RABL6: variants seen among roughly 807,000 people sequenced by gnomAD.
The protein encoded by RABL6 is RAB, member RAS oncogene family like 6.
RABL6 carries 28 observed loss-of-function variants against 72.9 expected under a neutral mutation model. The observed-to-expected ratio is 0.38, with a 90% CI of 0.28 to 0.53. RABL6 has a LOEUF of 0.53. RABL6 is among the 20% of genes least tolerant of loss of function. The probability of loss-of-function intolerance (pLI) is 0.80; values close to 1 mark genes in which losing one functional copy is unlikely to be tolerated. For synonymous variants in RABL6, 477 were observed against 421.2 expected (o/e 1.13, Z -1.62); for missense variants, 1,029 against 1,008.4 (o/e 1.02, Z -0.28).
Position 136,835,840 on chromosome 9 carries a change from C to T in RABL6, c.804C>T (p.Tyr268=), listed in dbSNP as rs765117424. 3.3e-5 allele frequency: 52 copies of T among 1,553,328 alleles called. 1 individual carries two copies. The East Asian group carries it at 5.6e-4, about 17-fold the overall frequency. ...SVQQETEDQN[Y]GIFLEMMEAR... The stretch of plus-strand genomic sequence containing the variant: ...AGCAGGAGACGGAGGACCAGAACTA[C>T]GGCATGTATGTGGCCGGACCCGCCC... The change falls in exon 8 of 15, where the codon TAC becomes TAT. Residue 268 remains tyrosine (Y), a synonymous_variant. Coordinates refer to ENST00000311502, the MANE Select transcript of RABL6 (RefSeq NM_024718.5).
intron 1 of RABL6, among the ~76,000 whole-genome samples, chr9:136,816,201 C>G (rs1371110363): frequency 6.6e-6 from 1 of 152,130 alleles, no homozygotes; most frequent in Non-Finnish European, 1.5e-5. Flanking sequence ...ACCTCCCTGG[C>G]TCAAGCAATC....
chr9:136,833,618 C>G (rs1354826882), intron 7 of RABL6: 85 of 1,485,674 alleles, frequency 5.7e-5, no homozygotes, highest in Non-Finnish European at 9.1e-7. Context: ...GCTGCCCCAG[C>G]TGGGTCTGGG....
In RABL6 at chr9:136,839,428, C is replaced by T. The variant is rs1309755768; in HGVS notation, c.1700C>T (p.Ser567Phe). ...GGACCCATTGCTGCACAAATGCTGTCCTTCGTCATGGATGACCCCGACTTT... is the reference window on the plus strand; with the variant it reads ...GGACCCATTGCTGCACAAATGCTGTTCTTCGTCATGGATGACCCCGACTTT... ...PEGPIAAQML[S>F]FVMDDPDFES... The change falls in exon 12 of 15, where the codon TCC becomes TTC. Residue 567 changes from serine to phenylalanine, a missense_variant. By Grantham distance (155) the Ser-to-Phe change is radical (BLOSUM62 -2). Coordinates refer to ENST00000311502, the MANE Select transcript of RABL6 (RefSeq NM_024718.5). 8 of 1,612,456 alleles carry T rather than the reference C, an allele frequency of 5.0e-6. No homozygotes were observed. In the African/African-American group the frequency reaches 5.3e-5, roughly 11 times the overall value.
chr9:136,831,720 G>A lies in RABL6; in HGVS notation c.459-1G>A, dbSNP rs768447662. The A allele has an allele frequency of 6.2e-7, 1 of 1,613,170 alleles. No individual in the cohort carries two copies. Among genetic ancestry groups the A allele is most frequent in the Non-Finnish European group, 8.5e-7 (1 of 1,179,798 alleles). Reference sequence around the variant, plus strand: ...AGCCAGGTCCTCACCTGTTCTCCGAGGACCTTCAATTACATTCTCCGGGAG... The same window carrying A: ...AGCCAGGTCCTCACCTGTTCTCCGAAGACCTTCAATTACATTCTCCGGGAG... On this transcript the variant is annotated splice_acceptor_variant, in intron 5 of 14. Transcript: ENST00000311502. LOFTEE classifies it high-confidence loss of function.
At position 136,835,807 on chromosome 9, in the gene RABL6, G is replaced by C; in HGVS notation, c.771G>C (p.Leu257=). Reference sequence around the variant, plus strand: ...ACATGGACGCCACGCTGGAGGAGCTGTCGGTGCAGCAGGAGACGGAGGACC... The same window carrying C: ...ACATGGACGCCACGCTGGAGGAGCTCTCGGTGCAGCAGGAGACGGAGGACC... ...QLDMDATLEE[L]SVQQETEDQN... is the part of the protein sequence containing the mutation. The change falls in exon 8 of 15, where the codon CTG becomes CTC. Residue 257 remains leucine (L), a synonymous_variant. Coordinates refer to ENST00000311502, the MANE Select transcript of RABL6 (RefSeq NM_024718.5). 1 of 1,555,342 alleles carries C rather than the reference G, an allele frequency of 6.4e-7. No individual in the cohort carries two copies. Among genetic ancestry groups the C allele is most frequent in the Non-Finnish European group, 8.7e-7 (1 of 1,150,674 alleles).
In RABL6 at chr9:136,829,419, T is replaced by C; in HGVS notation, c.393T>C (p.Ala131=). The part of the protein sequence containing the change: ...QEAESEMALD[A]EFLDVYKNCN... ...CGGAGTCTGAAATGGCCCTGGATGC[T>C]GAGTTCCTGGACGTGTACAAGAACT... Residue 131 remains alanine, a synonymous_variant, in exon 5 of 15, where the codon GCT becomes GCC. Coordinates refer to ENST00000311502, the MANE Select transcript of RABL6 (RefSeq NM_024718.5). 3 of 1,580,860 alleles carry C rather than the reference T, an allele frequency of 1.9e-6. No individual in the cohort carries two copies. The highest frequency in any genetic ancestry group is 1.3e-5 in the African/African-American group (1 of 74,314).
chr9:136,835,990 AG>A, intron 8 of RABL6, 145 bp downstream of exon 8: 2 of 753,256 alleles, frequency 2.7e-6, no homozygotes, highest in Non-Finnish European at 4.4e-6. Context: ...CGGGTGGAGG[AG>A]GACTCAGGTT....
Position 136,818,774 on chromosome 9 carries a change from G to A in RABL6, c.131-4751G>A, listed in dbSNP as rs562392925. Among the ~76,000 whole-genome samples the A allele has an allele frequency of 3.9e-5, 6 of 151,904 alleles. No homozygotes were observed. In the East Asian group the frequency reaches 5.8e-4, roughly 15 times the overall value. On this transcript the variant is annotated intron_variant, in intron 1 of 14. Coordinates refer to ENST00000311502, the MANE Select transcript of RABL6 (RefSeq NM_024718.5). The stretch of plus-strand genomic sequence containing the variant: ...AAAAAAGGAAAGAAAAGGAATAAGC[G>A]TTGGTTATGTTAATCAGTGGTGATC...
rs1848668014 is a variant in RABL6 at position 136,840,381 on chromosome 9, G to A, written c.2049G>A (p.Glu683=). The A allele has an allele frequency of 6.4e-7, 1 of 1,554,320 alleles. No individual in the cohort carries two copies. The highest frequency in any genetic ancestry group is 1.2e-5 in the South Asian group (1 of 84,770). ...ACAAGAAGAGCAAGGACAAGGAGGA[G>A]GGCAAGGAGGAGCGGCGACGGCGGC... is the stretch of plus-strand genomic sequence containing the variant. ...SKHKKSKDKE[E]GKEERRRRQQ... Residue 683 remains glutamate (E), a synonymous_variant, in exon 15 of 15, where the codon GAG becomes GAA. Coordinates refer to ENST00000311502, the MANE Select transcript of RABL6 (RefSeq NM_024718.5).
intron 4 of RABL6, among the ~76,000 whole-genome samples, chr9:136,829,130 C>T (rs1007914798): frequency 6.6e-6 from 1 of 152,196 alleles, no homozygotes; most frequent in African/African-American, 2.4e-5. Context: ...TCCGTGAGGC[C>T]TGGGGCGGAC....
chr9:136,813,483 C>A lies in RABL6; in HGVS notation c.130+5157C>A, dbSNP rs553473519. The A allele has an allele frequency of 1.4e-5, 7 of 489,952 alleles. No homozygotes were observed. In the East Asian group the frequency reaches 1.9e-4, roughly 13 times the overall value. 30.4% of individuals were successfully genotyped at this position (489,952 alleles called of 1,614,324 possible). A position where few individuals can be genotyped will look rare whatever the true frequency, so the allele number is the denominator to read the frequency against. On this transcript the variant is annotated intron_variant, in intron 1 of 14. Coordinates refer to ENST00000311502, the MANE Select transcript of RABL6 (RefSeq NM_024718.5). ...TCCATGATAGTGCAGGGAAATAGAT[C>A]GGCCATCCATCTCTGTTCCCTGCGT...
At position 136,839,031 on chromosome 9, in the gene RABL6, C is replaced by G; in HGVS notation, c.1403C>G (p.Thr468Ser). 1.2e-6 allele frequency: 2 copies of G among 1,612,574 alleles called. No homozygotes were observed. Among genetic ancestry groups the G allele is most frequent in the Non-Finnish European group, 1.7e-6 (2 of 1,179,788 alleles). ...PAGPVPSQDITLSSEEEAEVA... is the reference protein window; with the variant it reads ...PAGPVPSQDISLSSEEEAEVA... ...GGCCCCGTCCCCAGTCAAGACATCA[C>G]TCTTTCGAGTGAGGAGGAAGCAGAA... The change falls in exon 11 of 15, where the codon ACT becomes AGT. Residue 468 changes from threonine to serine, a missense_variant. Thr to Ser is a moderately conservative substitution (Grantham distance 58, BLOSUM62 1). Transcript: ENST00000311502.
intron 7 of RABL6, chr9:136,834,229 T>C: frequency 8.4e-7 from 1 of 1,194,018 alleles, no homozygotes; most frequent in Non-Finnish European, 1.0e-6. Context: ...CAGTTGTTTT[T>C]TTAACCTGAC....
intron 5 of RABL6, 44 bp downstream of exon 5, chr9:136,829,528 C>G (rs779390521): frequency 3.3e-6 from 5 of 1,513,580 alleles, no homozygotes; most frequent in Non-Finnish European, 1.8e-6. Flanking sequence ...ACTCTCACCC[C>G]CCTAGCCCCT....
At chr9:136,840,263 C>T in intron 14 of RABL6, 51 bp downstream of exon 14, 1 of 1,612,280 alleles carries the variant, frequency 6.2e-7, no homozygotes, top group Non-Finnish European at 8.5e-7. Context: ...GCATGCGGTC[C>T]TGGGACCAGG....
rs1320599468 is a variant in RABL6, at chr9:136,841,160, G to T, written c.*638G>T. 3.0e-5 allele frequency: 24 copies of T among 804,798 alleles called. No homozygotes were observed. In the East Asian group the frequency reaches 7.3e-4, roughly 25 times the overall value. The allele number at this position is 804,798 out of a possible 1,614,324, so 49.9% of individuals were successfully genotyped here. On this transcript the variant is annotated 3_prime_UTR_variant, in exon 15 of 15. Transcript: ENST00000311502. ...GCACTCCTCCCAAACACTCCACTCA[G>T]ACCATAAAGCACTCCTGTTTCACTC...
At chr9:136,813,765 G>A (rs576569572) in intron 1 of RABL6, 22 of 187,296 alleles carry the variant, frequency 1.2e-4, no homozygotes, top group Admixed American at 4.4e-4. Flanking sequence ...ACAGGCACCC[G>A]TCACCACACC....
At chr9:136,825,596 C>T (rs935520955) in intron 2 of RABL6, among the ~76,000 whole-genome samples, 183 bp from the exon 3 acceptor site, 4 of 152,156 alleles carry the variant, frequency 2.6e-5, no homozygotes, top group Admixed American at 1.3e-4. Context: ...TGTGTCTGAG[C>T]GAAGGCCTGA....
intron 2 of RABL6, among the ~76,000 whole-genome samples, chr9:136,825,409 G>A (rs1043954595): frequency 2.0e-5 from 3 of 151,580 alleles, no homozygotes; most frequent in South Asian, 4.2e-4. Context: ...GCCCAGGATC[G>A]GGGCCCGGGA....
Sources: allele counts gnomAD v4.1 joint callset (sites outside exome capture counted in the v4.1 genomes callset), GRCh38; gene constraint gnomAD v4.1.1; transcripts MANE v1.5; gene names NCBI Gene and HGNC (gene_info 2026-07-23, HGNC 2026-07-21).